Variants in BBS9 observed in about 807,000 individuals in gnomAD.
BBS9 encodes protein PTHB1.
In BBS9, 89 loss-of-function variants were observed where a neutral mutation model predicts 117.7. That is an observed-to-expected ratio of 0.76 (90% CI 0.64 to 0.90). The LOEUF (loss-of-function observed/expected upper bound fraction) is 0.90. Ranked by LOEUF, BBS9 falls within the 40% of genes least tolerant of loss-of-function variation. The probability of loss-of-function intolerance (pLI) is 0.00; values close to 1 mark genes in which losing one functional copy is unlikely to be tolerated. For missense variants in BBS9, 982 were observed against 1,042.2 expected (o/e 0.94, Z 0.80); for synonymous variants, 379 against 370.9 (o/e 1.02, Z -0.25).
intron 20 of BBS9, among the ~76,000 whole-genome samples, chr7:33,525,516 C>T (rs1320011847): frequency 6.4e-5 from 7 of 108,534 alleles, no homozygotes; most frequent in African/African-American, 3.9e-5. Context: ...CCTTCTTTGT[C>T]TCTTTTGATC....
In BBS9 at chr7:33,432,947, C is replaced by G. The variant is rs113222868; in HGVS notation, c.2115+44803C>G. The stretch of plus-strand genomic sequence containing the variant: ...CACTGATCTAGTCTATAATTCAGAC[C>G]CTCAGTTGAAAAGGAACTGACATAT... On this transcript the variant is annotated intron_variant, in intron 19 of 22. Transcript: ENST00000242067. Among the ~76,000 whole-genome samples, 59 of 152,054 alleles carry G rather than the reference C, an allele frequency of 3.9e-4. 1 individual carries two copies. Among genetic ancestry groups the G allele is most frequent in the African/African-American group, 1.4e-3 (56 of 41,464 alleles).
At chr7:33,583,025 T>C (rs2129163986) in intron 21 of BBS9, among the ~76,000 whole-genome samples, 1 of 152,302 alleles carries the variant, frequency 6.6e-6, no homozygotes, top group East Asian at 1.9e-4. Flanking sequence ...TTGTTTCATT[T>C]TGCTGGTATC....
At chr7:33,594,046 A>G (rs539859118) in intron 21 of BBS9, among the ~76,000 whole-genome samples, 1 of 152,262 alleles carries the variant, frequency 6.6e-6, no homozygotes, top group East Asian at 1.9e-4. Flanking sequence ...GAAACATCTT[A>G]ATACTAGGAG....
At chr7:33,300,108 G>C (rs1806074843) in intron 9 of BBS9, among the ~76,000 whole-genome samples, 1 of 152,200 alleles carries the variant, frequency 6.6e-6, no homozygotes, top group South Asian at 2.1e-4. Context: ...GGATCCTGCA[G>C]AGAGTAGTGT....
At position 33,454,522 on chromosome 7, in the gene BBS9, G is replaced by A. The variant is rs1838348566; in HGVS notation, c.2116-50941G>A. Among the ~76,000 whole-genome samples, 3 of 152,220 alleles carry A rather than the reference G, an allele frequency of 2.0e-5. No individual in the cohort carries two copies. In the South Asian group the frequency reaches 6.2e-4, roughly 32 times the overall value. The stretch of plus-strand genomic sequence containing the variant: ...TGTATTTTATCACTTGTCCATTTTG[G>A]AAATAATCTTTGATACTGGAGAAGG... On this transcript the variant is annotated intron_variant, in intron 19 of 22. Transcript: ENST00000242067.
intron 9 of BBS9, among the ~76,000 whole-genome samples, chr7:33,304,236 C>A (rs558800125): frequency 4.1e-4 from 61 of 149,620 alleles, no homozygotes. Flanking sequence ...TGCCCGGCCA[C>A]CCCATCTGGG....
Position 33,186,499 on chromosome 7 carries a change from G to A in BBS9, c.442+8908G>A, listed in dbSNP as rs1021987725. ...AAAAACTTTCCTATCAGAATGGAGT[G>A]TAGTTTGGTTTGGCTAAAGTTAAGT... On this transcript the variant is annotated intron_variant, in intron 5 of 22. Coordinates refer to ENST00000242067, the MANE Select transcript of BBS9 (RefSeq NM_198428.3). 3.9e-5 allele frequency among the ~76,000 whole-genome samples: 6 copies of A among 152,136 alleles called. No homozygotes were observed. In the South Asian group the frequency reaches 1.2e-3, roughly 31 times the overall value.
chr7:33,181,582 C>CT (rs1464652996), intron 5 of BBS9, among the ~76,000 whole-genome samples: 2 of 152,222 alleles, frequency 1.3e-5, no homozygotes, highest in South Asian at 2.1e-4. Flanking sequence ...CCCTTTACAC[C>CT]TTTTTTTGTT....
chr7:33,341,936 T>G (rs1196405919), intron 11 of BBS9, among the ~76,000 whole-genome samples: 1 of 152,074 alleles, frequency 6.6e-6, no homozygotes, highest in Non-Finnish European at 1.5e-5. Context: ...CAGAAATTGG[T>G]GTAGAAATTG....
intron 4 of BBS9, among the ~76,000 whole-genome samples, chr7:33,173,427 A>C (rs1007670543): frequency 2.6e-5 from 4 of 151,974 alleles, no homozygotes; most frequent in Admixed American, 6.6e-5. Flanking sequence ...AAAAAATACA[A>C]AAAATCAGCT....
chr7:33,578,960 T>G (rs1181002739), intron 21 of BBS9, among the ~76,000 whole-genome samples: 1 of 152,132 alleles, frequency 6.6e-6, no homozygotes, highest in Non-Finnish European at 1.5e-5. Context: ...TACCAGAACA[T>G]GAAAATCCTG....
chr7:33,268,928 T>A (rs1370061366), intron 7 of BBS9, among the ~76,000 whole-genome samples: 1 of 152,210 alleles, frequency 6.6e-6, no homozygotes, highest in Non-Finnish European at 1.5e-5. Context: ...ATAACTGTCA[T>A]GGGACTGATA....
At chr7:33,370,409 G>T (rs1467240804) in intron 17 of BBS9, among the ~76,000 whole-genome samples, 2 of 152,080 alleles carry the variant, frequency 1.3e-5, no homozygotes, top group Non-Finnish European at 2.9e-5. Flanking sequence ...GGTTGAGGCT[G>T]CAGTGAGCTG....
chr7:33,288,812 T>C (rs1302585555), intron 9 of BBS9, among the ~76,000 whole-genome samples: 1 of 152,196 alleles, frequency 6.6e-6, no homozygotes, highest in Non-Finnish European at 1.5e-5. Context: ...TCTGAATTCT[T>C]TGGACATATT....
intron 5 of BBS9, among the ~76,000 whole-genome samples, chr7:33,209,441 G>A (rs181576119): frequency 8.5e-5 from 13 of 152,226 alleles, no homozygotes; most frequent in East Asian, 3.9e-4. Context: ...ACTGATTTTC[G>A]TTCTTTTGGG....
intron 19 of BBS9, among the ~76,000 whole-genome samples, chr7:33,468,943 T>C (rs1207621839): frequency 6.6e-6 from 1 of 152,214 alleles, no homozygotes; most frequent in Admixed American, 6.5e-5. Context: ...ATTTTGGCTC[T>C]TGTGAATAGT....
chr7:33,266,178 C>G (rs1798784125), intron 7 of BBS9, among the ~76,000 whole-genome samples: 1 of 152,120 alleles, frequency 6.6e-6, no homozygotes, highest in Non-Finnish European at 1.5e-5. Flanking sequence ...ATTCTGAAGG[C>G]AATTGCAGTT....
chr7:33,552,820 T>G (rs188626300), intron 21 of BBS9, among the ~76,000 whole-genome samples: 1 of 152,322 alleles, frequency 6.6e-6, no homozygotes, highest in African/African-American at 2.4e-5. Flanking sequence ...ATCTTTTGTC[T>G]TTCTGTTCTT....
intron 2 of BBS9, among the ~76,000 whole-genome samples, chr7:33,149,398 T>A (rs928185160): frequency 6.6e-6 from 1 of 152,170 alleles, no homozygotes; most frequent in African/African-American, 2.4e-5. Flanking sequence ...AGAGAAGAGT[T>A]ACAGGGATCC....
Sources: allele counts gnomAD v4.1 joint callset (sites outside exome capture counted in the v4.1 genomes callset), GRCh38; gene constraint gnomAD v4.1.1; transcripts MANE v1.5; gene names NCBI Gene and HGNC (gene_info 2026-07-23, HGNC 2026-07-21).